C12orf42: variants seen among roughly 807,000 people sequenced by gnomAD.
C12orf42 encodes the protein chromosome 12 open reading frame 42.
A neutral mutation model predicts 21.6 loss-of-function variants in C12orf42; 25 were observed. The ratio of observed to expected loss-of-function variants is 1.16; its 90% CI spans 0.84 to 1.62. The LOEUF (loss-of-function observed/expected upper bound fraction) is 1.62. Among genes scored for constraint, C12orf42 ranks in the 40% most tolerant of loss-of-function variants. C12orf42 has a pLI of 0.00. For synonymous variants in C12orf42, 174 were observed against 175.0 expected, an observed-to-expected ratio of 0.99 and a Z score of 0.05; for missense variants, 483 against 459.3, an observed-to-expected ratio of 1.05 and a Z score of -0.47.
chr12:103,478,520 A>T lies in C12orf42; in HGVS notation c.-21-73T>A, dbSNP rs1023812731. On this transcript the variant is annotated intron_variant, in intron 1 of 5. Coordinates refer to ENST00000548883, the MANE Select transcript of C12orf42 (RefSeq NM_198521.5). ...TGATAATATTAGAGAAAAAAATGAC[A>T]TCTTTAAGAGCCAGAATCATCCTAT... The T allele has an allele frequency of 1.1e-5, 7 of 639,824 alleles. No individual in the cohort carries two copies. The Admixed American group carries it at 1.2e-4, about 11-fold the overall frequency. 39.6% of individuals were successfully genotyped at this position (639,824 alleles called of 1,614,324 possible).
At chr12:103,319,537 G>A (rs967826236) in intron 4 of C12orf42, among the ~76,000 whole-genome samples, 3 of 152,178 alleles carry the variant, frequency 2.0e-5, no homozygotes, top group South Asian at 2.1e-4. Flanking sequence ...AAAAGAACTC[G>A]ACAGACCCTA....
chr12:103,400,911 G>A (rs1419953077), intron 3 of C12orf42, among the ~76,000 whole-genome samples: 2 of 152,132 alleles, frequency 1.3e-5, no homozygotes, highest in African/African-American at 4.8e-5. Flanking sequence ...AAATAGGAAG[G>A]AAATGAAGGT....
the C12orf42 span, among the ~76,000 whole-genome samples, chr12:103,545,376 A>T: frequency 6.6e-6 from 1 of 152,202 alleles, no homozygotes; most frequent in Non-Finnish European, 1.5e-5. Context: ...TGTAGAAATA[A>T]ATATAAAAAA....
the C12orf42 span, among the ~76,000 whole-genome samples, chr12:103,197,632 C>G: frequency 6.6e-6 from 1 of 152,162 alleles, no homozygotes; most frequent in Non-Finnish European, 1.5e-5. Context: ...GGCAAGAAGA[C>G]CCTCTGGTTT....
intron 1 of C12orf42, among the ~76,000 whole-genome samples, chr12:103,480,245 T>C (rs181437618): frequency 6.6e-6 from 1 of 151,964 alleles, no homozygotes; most frequent in East Asian, 1.9e-4. Flanking sequence ...AATACACACA[T>C]ATTTTTATCT....
intron 4 of C12orf42, among the ~76,000 whole-genome samples, chr12:103,294,262 C>T (rs958797993): frequency 1.3e-5 from 2 of 150,982 alleles, no homozygotes; most frequent in Non-Finnish European, 2.9e-5. Context: ...GTCAATATCA[C>T]TGACTTACAA....
the C12orf42 span, among the ~76,000 whole-genome samples, chr12:103,085,444 G>A: frequency 7.6e-4 from 116 of 152,032 alleles, no homozygotes; most frequent in African/African-American, 2.6e-3. Flanking sequence ...TCCAGCACGC[G>A]GGTCATATGA....
chr12:103,194,466 A>T, the C12orf42 span, among the ~76,000 whole-genome samples: 1 of 152,214 alleles, frequency 6.6e-6, no homozygotes, highest in Non-Finnish European at 1.5e-5. Flanking sequence ...TAAATACAGC[A>T]TATTTTTAGG....
intron 3 of C12orf42, among the ~76,000 whole-genome samples, chr12:103,390,912 G>T (rs2047021808): frequency 6.6e-6 from 1 of 152,192 alleles, no homozygotes; most frequent in Admixed American, 6.5e-5. Context: ...GCTGAGCAAA[G>T]AACAGCTAAT....
At chr12:103,281,157 C>T (rs1032371563) in intron 4 of C12orf42, among the ~76,000 whole-genome samples, 4 of 152,098 alleles carry the variant, frequency 2.6e-5, no homozygotes, top group East Asian at 1.9e-4. Context: ...TCTACATTTA[C>T]GAGATTCTTT....
chr12:103,478,477 A>T (rs1592981253), intron 1 of C12orf42, 30 bp from the exon 2 acceptor site: 1 of 1,152,780 alleles, frequency 8.7e-7, no homozygotes, highest in East Asian at 2.5e-5. Context: ...AAAGAAGAGC[A>T]GGTTTACAAT....
chr12:103,314,423 C>A (rs143501633), intron 4 of C12orf42, among the ~76,000 whole-genome samples: 105 of 152,294 alleles, frequency 6.9e-4, no homozygotes, highest in African/African-American at 2.5e-3. Context: ...TTACCTAGAG[C>A]AGAAGCCTCT....
chr12:103,061,377 T>C, the C12orf42 span, among the ~76,000 whole-genome samples: 1 of 152,224 alleles, frequency 6.6e-6, no homozygotes, highest in Non-Finnish European at 1.5e-5. Context: ...GTTCTATACA[T>C]GTCAATTAGG....
the C12orf42 span, among the ~76,000 whole-genome samples, chr12:103,521,093 A>G: frequency 6.6e-6 from 1 of 152,320 alleles, no homozygotes; most frequent in Admixed American, 6.5e-5. Flanking sequence ...GCTGCATTAA[A>G]CTTTTCAGCT....
intron 2 of C12orf42, among the ~76,000 whole-genome samples, chr12:103,418,098 A>G (rs1006630762): frequency 6.6e-6 from 1 of 152,200 alleles, no homozygotes; most frequent in African/African-American, 2.4e-5. Flanking sequence ...TAGAAATGGT[A>G]TTTAAATTAT....
the C12orf42 span, among the ~76,000 whole-genome samples, chr12:103,537,772 T>C: frequency 1.4e-4 from 21 of 152,204 alleles, no homozygotes; most frequent in Non-Finnish European, 2.5e-4. Context: ...ATAGCAGTAA[T>C]GGATTAAGCA....
the C12orf42 span, among the ~76,000 whole-genome samples, chr12:103,536,512 C>G: frequency 6.6e-6 from 1 of 152,074 alleles, no homozygotes; most frequent in Admixed American, 6.5e-5. Flanking sequence ...GAGGATGGCA[C>G]TTTGGAGAGA....
At chr12:103,229,966 T>C in the C12orf42 span, among the ~76,000 whole-genome samples, 1 of 152,118 alleles carries the variant, frequency 6.6e-6, no homozygotes, top group Non-Finnish European at 1.5e-5. Context: ...CCAGAGTTCA[T>C]GAAAAAGTTT....
chr12:103,092,126 C>A, the C12orf42 span, among the ~76,000 whole-genome samples: 1 of 152,130 alleles, frequency 6.6e-6, no homozygotes, highest in Non-Finnish European at 1.5e-5. Context: ...CTTGGGGATA[C>A]CACAAAGGAT....
Sources: allele counts gnomAD v4.1 joint callset (sites outside exome capture counted in the v4.1 genomes callset), GRCh38; gene constraint gnomAD v4.1.1; transcripts MANE v1.5; gene names NCBI Gene and HGNC (gene_info 2026-07-23, HGNC 2026-07-21).